Variants in GRID2 observed in about 807,000 individuals in gnomAD.
GRID2 encodes glutamate ionotropic receptor delta type subunit 2.
A neutral mutation model predicts 114.8 loss-of-function variants in GRID2; 33 were observed. That is an observed-to-expected ratio of 0.29 (90% CI 0.22 to 0.38). GRID2 has a LOEUF of 0.38. GRID2 is among the 10% of genes least tolerant of loss of function. The pLI is 1.00. For missense variants in GRID2, 1,184 were observed against 1,257.7 expected, an observed-to-expected ratio of 0.94 and a Z score of 0.89; for synonymous variants, 505 against 449.9, an observed-to-expected ratio of 1.12 and a Z score of -1.55.
At chr4:92,562,023 A>G (rs1203788529) in intron 1 of GRID2, among the ~76,000 whole-genome samples, 1 of 152,208 alleles carries the variant, frequency 6.6e-6, no homozygotes, top group Non-Finnish European at 1.5e-5. Flanking sequence ...CTACAAATAA[A>G]TAACTTTGTT....
At chr4:93,472,798 A>C (rs1193963243) in intron 11 of GRID2, among the ~76,000 whole-genome samples, 1 of 152,192 alleles carries the variant, frequency 6.6e-6, no homozygotes, top group Non-Finnish European at 1.5e-5. Flanking sequence ...TTTATGTTTT[A>C]AAACTGGGCT....
At chr4:92,753,164 A>G (rs1737537797) in intron 2 of GRID2, among the ~76,000 whole-genome samples, 1 of 152,196 alleles carries the variant, frequency 6.6e-6, no homozygotes, top group Non-Finnish European at 1.5e-5. Flanking sequence ...AGAATAATTG[A>G]AACCAATAAA....
At chr4:93,239,524 T>C (rs1018630861) in intron 8 of GRID2, among the ~76,000 whole-genome samples, 2 of 151,414 alleles carry the variant, frequency 1.3e-5, no homozygotes, top group Non-Finnish European at 3.0e-5. Flanking sequence ...CTAGACAAAA[T>C]GAAGTGAGGA....
At chr4:93,435,107 G>A (rs1021278440) in intron 10 of GRID2, among the ~76,000 whole-genome samples, 10 of 151,862 alleles carry the variant, frequency 6.6e-5, no homozygotes, top group Non-Finnish European at 1.2e-4. Flanking sequence ...ATTTTATTAT[G>A]TACTGACTTG....
At chr4:92,982,022 T>TAAAAAAAAAA in intron 2 of GRID2, among the ~76,000 whole-genome samples, 1 of 80,190 alleles carries the variant, frequency 1.2e-5, no homozygotes, top group East Asian at 3.3e-4. Context: ...AAAGTACTGG[T>TAAAAAAAAAA]AAAAAAAAAA....
chr4:93,198,650 T>C (rs752226489), intron 4 of GRID2, among the ~76,000 whole-genome samples: 1 of 152,036 alleles, frequency 6.6e-6, no homozygotes, highest in Non-Finnish European at 1.5e-5. Context: ...TAATACTGCC[T>C]GGAGTTAGAG....
intron 8 of GRID2, among the ~76,000 whole-genome samples, chr4:93,342,108 A>C (rs959534051): frequency 2.6e-5 from 4 of 152,170 alleles, no homozygotes; most frequent in African/African-American, 9.7e-5. Context: ...ACTGCAAATC[A>C]AATGATATCA....
intron 8 of GRID2, among the ~76,000 whole-genome samples, chr4:93,359,104 T>TGATCTGG (rs1481977555): frequency 1.8e-4 from 27 of 152,092 alleles, no homozygotes; most frequent in Non-Finnish European, 3.5e-4. Flanking sequence ...CTAAGATAGC[T>TGATCTGG]GATCTGGGAT....
chr4:93,369,082 C>A (rs547240499), intron 8 of GRID2, among the ~76,000 whole-genome samples: 2 of 152,202 alleles, frequency 1.3e-5, no homozygotes, highest in East Asian at 3.9e-4. Context: ...AATTTATTCT[C>A]TCACAGTTTT....
At chr4:92,549,910 C>G (rs934934892) in intron 1 of GRID2, among the ~76,000 whole-genome samples, 4 of 152,008 alleles carry the variant, frequency 2.6e-5, no homozygotes, top group African/African-American at 9.7e-5. Context: ...GTATGCTATT[C>G]CATAGCTCTT....
At chr4:93,469,872 G>T (rs868661067) in intron 11 of GRID2, among the ~76,000 whole-genome samples, 9 of 152,136 alleles carry the variant, frequency 5.9e-5, no homozygotes, top group South Asian at 4.1e-4. Flanking sequence ...ATTGCAAATA[G>T]TTGTATAGAT....
intron 8 of GRID2, among the ~76,000 whole-genome samples, chr4:93,239,263 T>C (rs533732021): frequency 6.7e-6 from 1 of 149,236 alleles, no homozygotes; most frequent in African/African-American, 2.4e-5. Flanking sequence ...AAATCATATA[T>C]ATATCATATA....
In GRID2 at chr4:93,515,312, T is replaced by G. The variant is rs763428467; in HGVS notation, c.2094T>G (p.Pro698=). 4.3e-6 allele frequency: 7 copies of G among 1,610,926 alleles called. No homozygotes were observed. The highest frequency in any genetic ancestry group is 5.9e-6 in the Non-Finnish European group (7 of 1,177,324). Residue 698 remains proline, a synonymous_variant, in exon 13 of 16, where the codon CCT becomes CCG. Coordinates refer to ENST00000282020, the MANE Select transcript of GRID2 (RefSeq NM_001510.4). ...YEHVRMKGLN[P]FERDSMYSQM... is the part of the protein sequence containing the mutation. Reference sequence around the variant, plus strand: ...ATGTCCGCATGAAAGGACTGAATCCTTTTGAGAGGGACAGCATGTATTCCC... The same window carrying G: ...ATGTCCGCATGAAAGGACTGAATCCGTTTGAGAGGGACAGCATGTATTCCC...
chr4:92,764,371 T>C (rs1448940441), intron 2 of GRID2, among the ~76,000 whole-genome samples: 2 of 152,224 alleles, frequency 1.3e-5, no homozygotes, highest in Non-Finnish European at 2.9e-5. Flanking sequence ...GGAACTCTAT[T>C]TAAACAACTG....
chr4:92,338,845 T>C (rs991641215), intron 1 of GRID2, among the ~76,000 whole-genome samples: 1 of 152,104 alleles, frequency 6.6e-6, no homozygotes, highest in African/African-American at 2.4e-5. Context: ...ATAAATCTAA[T>C]ATTTAGTTAT....
chr4:93,769,496 C>G, intron 15 of GRID2, 46 bp downstream of exon 15: 1 of 1,600,904 alleles, frequency 6.2e-7, no homozygotes, highest in Non-Finnish European at 8.5e-7. Flanking sequence ...AACAAGCAGG[C>G]TGTATTTCCA....
intron 12 of GRID2, among the ~76,000 whole-genome samples, chr4:93,509,919 C>T (rs1345233879): frequency 6.6e-6 from 1 of 152,218 alleles, no homozygotes; most frequent in African/African-American, 2.4e-5. Flanking sequence ...AACCAATGGA[C>T]AGGCAGGCTG....
chr4:93,504,390 T>C (rs1203313653), intron 12 of GRID2, among the ~76,000 whole-genome samples: 1 of 152,048 alleles, frequency 6.6e-6, no homozygotes, highest in Admixed American at 6.6e-5. Flanking sequence ...TTGATTCTAA[T>C]TAACATTTTC....
chr4:93,337,863 T>C (rs1172486765), intron 8 of GRID2, among the ~76,000 whole-genome samples: 2 of 152,192 alleles, frequency 1.3e-5, no homozygotes, highest in African/African-American at 4.8e-5. Flanking sequence ...TATTTGTACA[T>C]TTTTCAAAAA....
Sources: allele counts gnomAD v4.1 joint callset (sites outside exome capture counted in the v4.1 genomes callset), GRCh38; gene constraint gnomAD v4.1.1; transcripts MANE v1.5; gene names NCBI Gene and HGNC (gene_info 2026-07-23, HGNC 2026-07-21).